Variants in ZMIZ2 observed in about 807,000 individuals in gnomAD.
ZMIZ2 encodes the protein zinc finger MIZ-type containing 2.
A neutral mutation model predicts 93.9 loss-of-function variants in ZMIZ2; 26 were observed. The observed-to-expected ratio is 0.28, with a 90% CI of 0.20 to 0.38. The LOEUF (loss-of-function observed/expected upper bound fraction) is 0.38. Ranked by LOEUF, ZMIZ2 falls within the 10% of genes least tolerant of loss-of-function variation. The pLI is 1.00. For synonymous variants in ZMIZ2, 485 were observed against 516.4 expected (o/e 0.94, Z 0.82); for missense variants, 1,023 against 1,235.0 (o/e 0.83, Z 2.57).
At chr7:44,755,161 T>G (rs1217929418) in intron 1 of ZMIZ2, among the ~76,000 whole-genome samples, 2 of 152,186 alleles carry the variant, frequency 1.3e-5, no homozygotes, top group Non-Finnish European at 2.9e-5. Context: ...TGGTCCTGCA[T>G]GCGTCCTCCC....
At chr7:44,759,593 T>C in intron 7 of ZMIZ2, 133 bp downstream of exon 7, 41 of 339,826 alleles carry the variant, frequency 1.2e-4, no homozygotes, top group Non-Finnish European at 1.5e-4. Context: ...GGTCCATGTG[T>C]GCTCATGGAC....
In ZMIZ2 at chr7:44,768,882, C is replaced by T. The variant is rs888194746; in HGVS notation, c.*1259C>T. ...AGCCAAGGCTCGGCTATTCCCGCCC[C>T]ATAGTAAATTTCCTTTTCCCTGGAA... On this transcript the variant is annotated 3_prime_UTR_variant, in exon 19 of 19. Transcript: ENST00000309315. 4.6e-5 allele frequency: 7 copies of T among 152,488 alleles called. No individual in the cohort carries two copies. The highest frequency in any genetic ancestry group is 1.4e-4 in the African/African-American group (6 of 41,582). 9.4% of individuals were successfully genotyped at this position (152,488 alleles called of 1,614,324 possible).
chr7:44,756,727 A>G lies in ZMIZ2; in HGVS notation c.165+188A>G, dbSNP rs1271713689. ...CTTTGGACACTGGTTCTCTTTCCACACCTGCTGTGGGATTTTCTTCTCCTG... is the reference window on the plus strand; with the variant it reads ...CTTTGGACACTGGTTCTCTTTCCACGCCTGCTGTGGGATTTTCTTCTCCTG... On this transcript the variant is annotated intron_variant, in intron 3 of 18. Transcript: ENST00000309315. 5 of 774,628 alleles carry G rather than the reference A, an allele frequency of 6.5e-6. No homozygotes were observed. The African/African-American group carries it at 8.8e-5, about 14-fold the overall frequency. The allele number at this position is 774,628 out of a possible 1,614,324, so 48.0% of individuals were successfully genotyped here. A position where few individuals can be genotyped will look rare whatever the true frequency, so the allele number is the denominator to read the frequency against.
Position 44,765,921 on chromosome 7 carries a change from T to G in ZMIZ2, c.2243-243T>G. 7.2e-7 allele frequency: 1 copy of G among 1,394,870 alleles called. No individual in the cohort carries two copies. Among genetic ancestry groups the G allele is most frequent in the Non-Finnish European group, 9.3e-7 (1 of 1,079,170 alleles). 86.4% of individuals were successfully genotyped at this position (1,394,870 alleles called of 1,614,324 possible). On this transcript the variant is annotated intron_variant, in intron 16 of 18. Transcript: ENST00000309315. This position sits in a 1 kb window ranked among gnomAD's most constrained non-coding sequence, Gnocchi z 4.1. Reference sequence around the variant, plus strand: ...CACCTCACACGCGTGGTGCGTTTGTTTGTGGCTGCTCCCATTCCTATAACC... The same window carrying G: ...CACCTCACACGCGTGGTGCGTTTGTGTGTGGCTGCTCCCATTCCTATAACC...
intron 1 of ZMIZ2, among the ~76,000 whole-genome samples, chr7:44,749,481 G>A (rs1445694268): frequency 6.6e-6 from 1 of 152,188 alleles, no homozygotes; most frequent in African/African-American, 2.4e-5. Flanking sequence ...ACCTGCTCGC[G>A]GAGGAGCTGT....
At position 44,762,893 on chromosome 7, in the gene ZMIZ2, G is replaced by A. The variant is rs779329650; in HGVS notation, c.1609G>A (p.Val537Met). 20 of 1,609,136 alleles carry A rather than the reference G, an allele frequency of 1.2e-5. No homozygotes were observed. The highest frequency in any genetic ancestry group is 6.6e-5 in the South Asian group (6 of 90,810). ...VTACCCSHLFVLQLVHRPSVR... is the reference protein window; with the variant it reads ...VTACCCSHLFMLQLVHRPSVR... ...CGTTGTATTGCAGTCCCACCTCTTC[G>A]TGCTGCAGCTAGTGCACCGCCCATC... The change falls in exon 12 of 19, where the codon GTG becomes ATG. Residue 537 changes from valine to methionine, a missense_variant. This residue lies in a region of ZMIZ2 where 656 missense variants were observed against 777.1 expected (regional missense o/e 0.84). Coordinates refer to ENST00000309315, the MANE Select transcript of ZMIZ2 (RefSeq NM_031449.4).
intron 1 of ZMIZ2, 40 bp from the exon 2 acceptor site, chr7:44,756,148 G>T: frequency 6.5e-7 from 1 of 1,549,292 alleles, no homozygotes; most frequent in Non-Finnish European, 8.9e-7. Context: ...GGGTCTCCTG[G>T]CTGCATCGCA....
At chr7:44,762,719 G>A (rs1331371747) in intron 11 of ZMIZ2, among the ~76,000 whole-genome samples, 162 bp from the exon 12 acceptor site, 3 of 152,130 alleles carry the variant, frequency 2.0e-5, no homozygotes, top group Non-Finnish European at 4.4e-5. Flanking sequence ...AGCCACTGAG[G>A]AGTTTTGTTG....
At chr7:44,751,696 C>G (rs776361172) in intron 1 of ZMIZ2, among the ~76,000 whole-genome samples, 10 of 152,204 alleles carry the variant, frequency 6.6e-5, no homozygotes, top group Non-Finnish European at 1.3e-4. Context: ...TGGTGCTCAC[C>G]TCTAATCCCA....
At chr7:44,751,343 C>G (rs887796287) in intron 1 of ZMIZ2, among the ~76,000 whole-genome samples, 1 of 152,266 alleles carries the variant, frequency 6.6e-6, no homozygotes, top group Non-Finnish European at 1.5e-5. Context: ...CCCAGCCCAT[C>G]CTACTGACTT....
In ZMIZ2 at chr7:44,757,059, C is replaced by A. The variant is rs776579623; in HGVS notation, c.278C>A (p.Ala93Glu). The A allele has an allele frequency of 1.2e-6, 2 of 1,609,008 alleles. No homozygotes were observed. The highest frequency in any genetic ancestry group is 1.7e-6 in the Non-Finnish European group (2 of 1,178,174). Residue 93 changes from alanine to glutamate, a missense_variant, in exon 4 of 19, where the codon GCG (alanine) becomes GAG (glutamate). Ala to Glu is a moderately radical substitution (Grantham distance 107). Coordinates refer to ENST00000309315, the MANE Select transcript of ZMIZ2 (RefSeq NM_031449.4). ...LTSPQCLGQQ[A>E]FAEGGANKGY... is the part of the protein sequence containing the mutation. ...TCCCCACAGTGCCTGGGACAGCAGG[C>A]GTTTGCTGAAGGCGGCGCCAACAAG...
At chr7:44,752,012 CAGAG>C (rs912712512) in intron 1 of ZMIZ2, among the ~76,000 whole-genome samples, 2 of 151,994 alleles carry the variant, frequency 1.3e-5, no homozygotes, top group African/African-American at 2.4e-5. Flanking sequence ...AGAAATGACA[CAGAG>C]AGATTTATTC....
rs374603358 is a variant in ZMIZ2 at position 44,762,892 on chromosome 7, C to T, written c.1608C>T (p.Phe536=). 31 of 1,609,618 alleles carry T rather than the reference C, an allele frequency of 1.9e-5. No homozygotes were observed. In the Admixed American group the frequency reaches 3.7e-4, roughly 19 times the overall value. The change falls in exon 12 of 19, where the codon TTC becomes TTT. Residue 536 remains phenylalanine, a synonymous_variant. Transcript: ENST00000309315. ...CCGTTGTATTGCAGTCCCACCTCTTCGTGCTGCAGCTAGTGCACCGCCCAT... is the reference window on the plus strand; with the variant it reads ...CCGTTGTATTGCAGTCCCACCTCTTTGTGCTGCAGCTAGTGCACCGCCCAT... ...TVTACCCSHL[F]VLQLVHRPSV...
In ZMIZ2 at chr7:44,766,774, C is replaced by A; in HGVS notation, c.2655+111C>A. ...GACAGTGACCCCTCAGAGAGCCGGT[C>A]AGATAAGGTCAACTAAATGCAGCTT... On this transcript the variant is annotated intron_variant, in intron 18 of 18. Transcript: ENST00000309315. The surrounding 1 kb of genome is among the most constrained non-coding windows in gnomAD (Gnocchi z 4.4). 1 of 1,498,448 alleles carries A rather than the reference C, an allele frequency of 6.7e-7. No homozygotes were observed. The highest frequency in any genetic ancestry group is 9.0e-7 in the Non-Finnish European group (1 of 1,117,106). 92.8% of individuals were successfully genotyped at this position (1,498,448 alleles called of 1,614,324 possible).
chr7:44,767,214 C>T (rs1791803825), intron 18 of ZMIZ2, among the ~76,000 whole-genome samples: 1 of 152,178 alleles, frequency 6.6e-6, no homozygotes, highest in South Asian at 2.1e-4. Context: ...CAGGCTGATG[C>T]ACAGAGGGAG....
At position 44,767,807 on chromosome 7, in the gene ZMIZ2, G is replaced by C. The variant is rs1285044770; in HGVS notation, c.*184G>C. 2 of 619,504 alleles carry C rather than the reference G, an allele frequency of 3.2e-6. No homozygotes were observed. The highest frequency in any genetic ancestry group is 3.7e-5 in the African/African-American group (2 of 54,244). The allele number at this position is 619,504 out of a possible 1,614,324, so 38.4% of individuals were successfully genotyped here. ...TTGGAAGCAGCCCTGTGCTCGATGG[G>C]AGGGGCTCCCAGGCCGGCAGCCCTT... On this transcript the variant is annotated 3_prime_UTR_variant, in exon 19 of 19. Transcript: ENST00000309315.
chr7:44,761,851 T>C lies in ZMIZ2; in HGVS notation c.1542T>C (p.His514=). The change falls in exon 11 of 19, where the codon CAT becomes CAC. Residue 514 remains histidine, a synonymous_variant. Transcript: ENST00000309315. This position sits in a 1 kb window ranked among gnomAD's most constrained non-coding sequence, Gnocchi z 5.8. ...CGCACAAGCCACTCTACCTGAAGCA[T>C]GTGTGCCAGCCAGGCCGCAACACCA... is the stretch of plus-strand genomic sequence containing the variant. ...KTSHKPLYLK[H]VCQPGRNTIQ... The C allele has an allele frequency of 6.2e-7, 1 of 1,614,040 alleles. No homozygotes were observed. The highest frequency in any genetic ancestry group is 8.5e-7 in the Non-Finnish European group (1 of 1,180,032).
chr7:44,762,690 A>G (rs931505566), intron 11 of ZMIZ2, among the ~76,000 whole-genome samples, 191 bp from the exon 12 acceptor site: 1 of 152,210 alleles, frequency 6.6e-6, no homozygotes, highest in Non-Finnish European at 1.5e-5. Context: ...AGGCCAGGAA[A>G]GGCAGCTGGA....
At chr7:44,760,321 C>T (rs1791048869) in intron 8 of ZMIZ2, 93 bp downstream of exon 8, 3 of 1,568,254 alleles carry the variant, frequency 1.9e-6, no homozygotes, top group Non-Finnish European at 2.6e-6. Context: ...GGGCCGCCTC[C>T]TGTCCACCTC....
Sources: gnomAD v4.1 joint callset for allele counts (sites outside exome capture counted in the v4.1 genomes callset) on GRCh38, gnomAD v4.1.1 for gene constraint, gnomAD v4.1.1 regional missense constraint, Gnocchi (gnomAD v3.1) non-coding constraint, MANE v1.5 for transcripts, NCBI Gene and HGNC (gene_info 2026-07-23, HGNC 2026-07-21) for gene names.